The following LIN54 variants were observed in gnomAD, a reference collection of about 807,000 sequenced individuals.
LIN54 encodes the protein protein lin-54 homolog.
LIN54 carries 9 observed loss-of-function variants against 78.7 expected under a neutral mutation model. That is an observed-to-expected ratio of 0.11 (90% CI 0.07 to 0.20). LIN54 has a LOEUF of 0.20. Ranked by LOEUF, LIN54 falls within the 10% of genes least tolerant of loss-of-function variation. The probability of loss-of-function intolerance (pLI) is 1.00; values close to 1 mark genes in which losing one functional copy is unlikely to be tolerated. For synonymous variants in LIN54, 269 were observed against 318.4 expected, an observed-to-expected ratio of 0.84 and a Z score of 1.65; for missense variants, 573 against 889.9, an observed-to-expected ratio of 0.64 and a Z score of 4.53.
chr4:82,973,186 G>A (rs1041535707), intron 3 of LIN54, among the ~76,000 whole-genome samples: 1 of 152,106 alleles, frequency 6.6e-6, no homozygotes, highest in African/African-American at 2.4e-5. Flanking sequence ...AAAAAAATCA[G>A]CTGTTGAGTT....
At chr4:82,963,528 G>A (rs1256823729) in intron 4 of LIN54, among the ~76,000 whole-genome samples, 1 of 152,134 alleles carries the variant, frequency 6.6e-6, no homozygotes, top group Admixed American at 6.6e-5. Context: ...TTTATAACAT[G>A]TAAACATAAA....
chr4:82,947,223 A>T (rs1320693078), intron 4 of LIN54, among the ~76,000 whole-genome samples: 26 of 17,504 alleles, frequency 1.5e-3, no homozygotes, highest in African/African-American at 4.2e-3. Context: ...ATATATATAT[A>T]TATATATATA....
intron 11 of LIN54, among the ~76,000 whole-genome samples, chr4:82,934,385 G>A (rs6841251): frequency 0.32 from 49,260 of 152,100 alleles, 9,194 homozygotes; most frequent in East Asian, 0.52. Context: ...CAGCCTGGGC[G>A]ACAGGGCGAG....
Position 83,010,574 on chromosome 4 carries a change from TTGCCCG to T in LIN54, c.-129_-124del. On this transcript the variant is annotated 5_prime_UTR_variant, in exon 1 of 13. Coordinates refer to ENST00000340417, the MANE Select transcript of LIN54 (RefSeq NM_194282.4). ...ATCCCGAGCCCCGGCGGGGCTTGTT[TTGCCCG>T]TGCACGATAGCTCTGGCCAGCAGCT... The T allele has an allele frequency of 1.6e-6, 2 of 1,219,086 alleles. No individual in the cohort carries two copies. Among genetic ancestry groups the T allele is most frequent in the Non-Finnish European group, 2.0e-6 (2 of 980,124 alleles). 75.5% of individuals were successfully genotyped at this position (1,219,086 alleles called of 1,614,324 possible). A position where few individuals can be genotyped will look rare whatever the true frequency, so the allele number is the denominator to read the frequency against.
At chr4:82,978,082 A>C (rs1208020156) in intron 3 of LIN54, among the ~76,000 whole-genome samples, 3 of 47,678 alleles carry the variant, frequency 6.3e-5, no homozygotes, top group African/African-American at 2.5e-4. Flanking sequence ...AAGTGGAAGA[A>C]TCAATGGACC....
intron 1 of LIN54, among the ~76,000 whole-genome samples, chr4:83,007,145 A>G (rs1398270831): frequency 6.6e-6 from 1 of 152,130 alleles, no homozygotes; most frequent in Non-Finnish European, 1.5e-5. Context: ...GTCTCAAAAA[A>G]CAAATAAATA....
chr4:82,996,796 A>G (rs1728267761), intron 1 of LIN54, among the ~76,000 whole-genome samples: 1 of 152,064 alleles, frequency 6.6e-6, no homozygotes, highest in Non-Finnish European at 1.5e-5. Flanking sequence ...ACACAGTTGA[A>G]TGGTTAAATG....
intron 4 of LIN54, among the ~76,000 whole-genome samples, chr4:82,960,287 C>T (rs544544426): frequency 2.6e-5 from 4 of 152,164 alleles, no homozygotes; most frequent in Admixed American, 6.5e-5. Context: ...CTCAAACTCA[C>T]GAGTAGCTAG....
intron 1 of LIN54, among the ~76,000 whole-genome samples, chr4:83,003,769 A>C (rs1248292000): frequency 6.6e-6 from 1 of 151,980 alleles, no homozygotes; most frequent in Non-Finnish European, 1.5e-5. Flanking sequence ...CAAGCCATCC[A>C]CCCACCTCGG....
intron 5 of LIN54, among the ~76,000 whole-genome samples, chr4:82,944,420 A>C (rs981469666): frequency 3.9e-5 from 6 of 152,186 alleles, no homozygotes; most frequent in Admixed American, 2.0e-4. Flanking sequence ...CACTTCTCTC[A>C]GTACCCTGCT....
At position 82,975,777 on chromosome 4, in the gene LIN54, G is replaced by C. The variant is rs1726116894; in HGVS notation, c.808+3106C>G. Among the ~76,000 whole-genome samples the C allele has an allele frequency of 2.6e-5, 4 of 151,776 alleles. No homozygotes were observed. In the South Asian group the frequency reaches 8.3e-4, roughly 31 times the overall value. On this transcript the variant is annotated intron_variant, in intron 3 of 12. Transcript: ENST00000340417. ...AAACTACCATCATGAAAAATCATAAGGGGTATGGGGAGACAGACAAGAAAA... is the reference window on the plus strand; with the variant it reads ...AAACTACCATCATGAAAAATCATAACGGGTATGGGGAGACAGACAAGAAAA...
At chr4:82,929,149 C>CTTT (rs781418613) in intron 12 of LIN54, among the ~76,000 whole-genome samples, 9 of 152,330 alleles carry the variant, frequency 5.9e-5, no homozygotes, top group Non-Finnish European at 1.3e-4. Context: ...GTATAGGAAT[C>CTTT]TTTAACATAC....
At position 83,000,830 on chromosome 4, in the gene LIN54, T is replaced by TTTTTC. The variant is rs1280079899; in HGVS notation, c.-33+9653_-33+9654insGAAAA. 2.0e-4 allele frequency among the ~76,000 whole-genome samples: 29 copies of TTTTTC among 144,986 alleles called. 2 individuals are homozygous for TTTTTC. Among genetic ancestry groups the TTTTTC allele is most frequent in the Non-Finnish European group, 3.9e-4 (26 of 66,152 alleles). ...ATCAAGCCCAAAGCAATAAATTCTTTTTTTTTTTTTGGAGATAGAGTCCCA... is the reference window on the plus strand; with the variant it reads ...ATCAAGCCCAAAGCAATAAATTCTTTTTTTCTTTTTTTTTTGGAGATAGAGTCCCA... On this transcript the variant is annotated intron_variant, in intron 1 of 12. Coordinates refer to ENST00000340417, the MANE Select transcript of LIN54 (RefSeq NM_194282.4).
intron 1 of LIN54, among the ~76,000 whole-genome samples, chr4:83,005,375 C>T (rs190888485): frequency 0.013 from 1,932 of 152,090 alleles, 20 homozygotes; most frequent in Middle Eastern, 0.024. Context: ...CGGTGGCTCA[C>T]GCCTGTAATC....
At chr4:83,009,409 A>G (rs777659861) in intron 1 of LIN54, among the ~76,000 whole-genome samples, 6 of 152,158 alleles carry the variant, frequency 3.9e-5, no homozygotes, top group Non-Finnish European at 5.9e-5. Flanking sequence ...TATACACTCA[A>G]TGTCATTGAC....
chr4:82,928,536 T>TG (rs1721673999), intron 12 of LIN54, among the ~76,000 whole-genome samples: 1 of 152,220 alleles, frequency 6.6e-6, no homozygotes, highest in Non-Finnish European at 1.5e-5. Context: ...ATAAAACACG[T>TG]TACTTATTAC....
chr4:82,925,529 AAAAGAG>A lies in LIN54; in HGVS notation c.*2567_*2572del, dbSNP rs1376187744. ...GCTCTTAAAAGAAACAGTGGGGAAAAAAAGAGAAGACATATTCTCATTTCAAAGCAA... is the reference window on the plus strand; with the variant it reads ...GCTCTTAAAAGAAACAGTGGGGAAAAAAGACATATTCTCATTTCAAAGCAA... On this transcript the variant is annotated 3_prime_UTR_variant, in exon 13 of 13. Transcript: ENST00000340417. The A allele has an allele frequency of 5.4e-5, 7 of 128,840 alleles. No homozygotes were observed. The highest frequency in any genetic ancestry group is 2.6e-4 in the African/African-American group (7 of 26,424). 8.0% of individuals were successfully genotyped at this position (128,840 alleles called of 1,614,324 possible).
intron 1 of LIN54, among the ~76,000 whole-genome samples, chr4:83,003,969 G>A (rs1729078013): frequency 6.6e-6 from 1 of 151,988 alleles, no homozygotes; most frequent in South Asian, 2.1e-4. Context: ...GGCACAAAAT[G>A]GACTTATAAA....
At chr4:82,947,235 A>ATATATTTTTTTTTTTTT in intron 4 of LIN54, among the ~76,000 whole-genome samples, 5 of 44,290 alleles carry the variant, frequency 1.1e-4, no homozygotes, top group African/African-American at 2.0e-4. Context: ...ATATATATAT[A>ATATATTTTTTTTTTTTT]TTTTTTTTTT....
Sources: gnomAD v4.1 joint callset for allele counts (sites outside exome capture counted in the v4.1 genomes callset) on GRCh38, gnomAD v4.1.1 for gene constraint, MANE v1.5 for transcripts, NCBI Gene and HGNC (gene_info 2026-07-23, HGNC 2026-07-21) for gene names.